The following CYTH3 variants were observed in gnomAD, a reference collection of about 807,000 sequenced individuals.
The protein encoded by CYTH3 is cytohesin 3, also known as cytohesin-3.
A neutral mutation model predicts 55.1 loss-of-function variants in CYTH3; 23 were observed. The ratio of observed to expected loss-of-function variants is 0.42; its 90% CI spans 0.30 to 0.59. CYTH3 has a LOEUF of 0.59. CYTH3 is among the 20% of genes least tolerant of loss of function. The pLI is 0.20. For synonymous variants in CYTH3, 249 were observed against 194.9 expected (o/e 1.28, Z -2.31); for missense variants, 413 against 524.8 (o/e 0.79, Z 2.08).
At chr7:6,185,562 T>A (rs1368196209) in intron 4 of CYTH3, among the ~76,000 whole-genome samples, 1 of 151,876 alleles carries the variant, frequency 6.6e-6, no homozygotes, top group Admixed American at 6.6e-5. Context: ...TAGCCGGGCA[T>A]GGTGGCAGGC....
intron 5 of CYTH3, 102 bp downstream of exon 5, chr7:6,177,721 A>C: frequency 1.1e-6 from 1 of 897,304 alleles, no homozygotes; most frequent in Non-Finnish European, 1.8e-6. Flanking sequence ...TGGCTCTATC[A>C]TGCCTTTAGG....
At chr7:6,200,195 T>G (rs1163061141) in intron 1 of CYTH3, among the ~76,000 whole-genome samples, 2 of 152,256 alleles carry the variant, frequency 1.3e-5, no homozygotes, top group East Asian at 3.8e-4. Flanking sequence ...AACTTTCAAG[T>G]TATATTATTA....
intron 1 of CYTH3, among the ~76,000 whole-genome samples, chr7:6,230,889 T>G (rs1325385961): frequency 6.6e-6 from 1 of 152,244 alleles, no homozygotes; most frequent in African/African-American, 2.4e-5. Context: ...TATAATTTTT[T>G]TAAGAGCCTG....
intron 4 of CYTH3, among the ~76,000 whole-genome samples, chr7:6,182,640 G>A (rs983014037): frequency 3.3e-5 from 5 of 152,008 alleles, no homozygotes; most frequent in Non-Finnish European, 7.4e-5. Context: ...TCAAGTAGCT[G>A]GGACTACAGG....
chr7:6,259,755 TA>T (rs1329583577), intron 1 of CYTH3, among the ~76,000 whole-genome samples: 13 of 12,430 alleles, frequency 1.0e-3, no homozygotes, highest in South Asian at 4.0e-3. Context: ...TATATATATA[TA>T]TTATATATAT....
At chr7:6,180,569 C>A (rs977816611) in intron 4 of CYTH3, among the ~76,000 whole-genome samples, 1 of 152,234 alleles carries the variant, frequency 6.6e-6, no homozygotes, top group Non-Finnish European at 1.5e-5. Flanking sequence ...ACACCCCGAT[C>A]TCGGACTTCT....
At chr7:6,209,656 T>C (rs1189809043) in intron 1 of CYTH3, among the ~76,000 whole-genome samples, 4 of 152,194 alleles carry the variant, frequency 2.6e-5, no homozygotes, top group Admixed American at 6.5e-5. Flanking sequence ...CATGAAAATC[T>C]GCCATAAATA....
intron 1 of CYTH3, among the ~76,000 whole-genome samples, chr7:6,261,981 A>G (rs1780364508): frequency 6.6e-6 from 1 of 152,180 alleles, no homozygotes; most frequent in Non-Finnish European, 1.5e-5. Context: ...AGCAGTTGAC[A>G]AGATAAAAAA....
At chr7:6,177,651 G>C (rs1783383929) in intron 5 of CYTH3, among the ~76,000 whole-genome samples, 172 bp downstream of exon 5, 1 of 152,256 alleles carries the variant, frequency 6.6e-6, no homozygotes. Context: ...ACACGGGAGA[G>C]GAACCGGTTG....
intron 1 of CYTH3, among the ~76,000 whole-genome samples, chr7:6,229,452 G>A (rs1218308175): frequency 6.6e-6 from 1 of 152,078 alleles, no homozygotes; most frequent in Non-Finnish European, 1.5e-5. Flanking sequence ...ACCCTTACAA[G>A]CCTGTGCAAG....
intron 1 of CYTH3, among the ~76,000 whole-genome samples, chr7:6,246,232 A>AC (rs1779811607): frequency 7.1e-6 from 1 of 141,416 alleles, no homozygotes; most frequent in Non-Finnish European, 1.6e-5. Context: ...CACCTGGATA[A>AC]TTTTTTTTTT....
chr7:6,165,869 A>G lies in CYTH3; in HGVS notation c.824-59T>C, dbSNP rs371258543. On this transcript the variant is annotated intron_variant, in intron 9 of 12. Coordinates refer to ENST00000350796, the MANE Select transcript of CYTH3 (RefSeq NM_004227.4). ...CGTGCACAGGGAGCCCGCGGGTCCAAGAGGGGGCCCTGGACCTGCACAGAC... is the reference window on the plus strand; with the variant it reads ...CGTGCACAGGGAGCCCGCGGGTCCAGGAGGGGGCCCTGGACCTGCACAGAC... The G allele has an allele frequency of 3.0e-4, 475 of 1,564,466 alleles. 2 individuals carry two copies. The East Asian group carries it at 7.6e-3, about 25-fold the overall frequency.
intron 2 of CYTH3, among the ~76,000 whole-genome samples, chr7:6,190,221 C>T (rs867060569): frequency 6.6e-6 from 1 of 152,052 alleles, no homozygotes; most frequent in African/African-American, 2.4e-5. Context: ...GATTTCTACC[C>T]GGGGTCTCAC....
intron 1 of CYTH3, among the ~76,000 whole-genome samples, chr7:6,201,225 T>C (rs1784052834): frequency 6.6e-6 from 1 of 152,080 alleles, no homozygotes; most frequent in African/African-American, 2.4e-5. Flanking sequence ...AACTATGACA[T>C]CCAGGTGGGT....
At chr7:6,272,272 C>G (rs1031504307) in intron 1 of CYTH3, among the ~76,000 whole-genome samples, 1 of 151,810 alleles carries the variant, frequency 6.6e-6, no homozygotes, top group African/African-American at 2.4e-5. Context: ...AACGGCGACC[C>G]CGGCCCGCCC....
intron 1 of CYTH3, among the ~76,000 whole-genome samples, chr7:6,247,600 C>G (rs1430270198): frequency 2.6e-5 from 4 of 152,144 alleles, no homozygotes; most frequent in African/African-American, 9.7e-5. Context: ...TCTGCAAATG[C>G]TTTTACTGTC....
chr7:6,197,053 G>A (rs1345936964), intron 1 of CYTH3, among the ~76,000 whole-genome samples: 1 of 152,176 alleles, frequency 6.6e-6, no homozygotes, highest in Non-Finnish European at 1.5e-5. Context: ...TGTTAACACA[G>A]AGTGAAGACG....
chr7:6,257,202 A>G (rs1324294882), intron 1 of CYTH3, among the ~76,000 whole-genome samples: 2 of 152,194 alleles, frequency 1.3e-5, no homozygotes, highest in Admixed American at 1.3e-4. Context: ...AAAGTCTACA[A>G]TCACTCATCT....
chr7:6,193,597 C>G (rs184079573), intron 1 of CYTH3, among the ~76,000 whole-genome samples: 2 of 152,156 alleles, frequency 1.3e-5, no homozygotes, highest in African/African-American at 4.8e-5. Flanking sequence ...ACCTAATTTA[C>G]GTGAGAGAAT....
Sources: gnomAD v4.1 joint callset for allele counts (sites outside exome capture counted in the v4.1 genomes callset) on GRCh38, gnomAD v4.1.1 for gene constraint, MANE v1.5 for transcripts, NCBI Gene and HGNC (gene_info 2026-07-23, HGNC 2026-07-21) for gene names.